SLC12A8: variants seen among roughly 807,000 people sequenced by gnomAD.
SLC12A8 encodes the protein cation-chloride cotransporter 9.
In SLC12A8, 69 loss-of-function variants were observed where a neutral mutation model predicts 75.6. The ratio of observed to expected loss-of-function variants is 0.91; its 90% CI spans 0.75 to 1.11. The LOEUF is 1.11. Ranked by LOEUF, SLC12A8 falls within the 50% of genes most tolerant of loss-of-function variation. SLC12A8 has a pLI of 0.00. For missense variants in SLC12A8, 877 were observed against 896.7 expected, an observed-to-expected ratio of 0.98 and a Z score of 0.28; for synonymous variants, 365 against 372.8, an observed-to-expected ratio of 0.98 and a Z score of 0.24.
At chr3:125,102,622 G>C (rs907502899) in intron 10 of SLC12A8, among the ~76,000 whole-genome samples, 1 of 152,114 alleles carries the variant, frequency 6.6e-6, no homozygotes, top group African/African-American at 2.4e-5. Context: ...GCAGGGAGTG[G>C]GAGAGAGGGA....
chr3:125,116,568 G>C (rs923580486), intron 8 of SLC12A8, among the ~76,000 whole-genome samples: 1 of 152,182 alleles, frequency 6.6e-6, no homozygotes, highest in African/African-American at 2.4e-5. Flanking sequence ...TCTCTGGGCT[G>C]TTTTTACCCT....
chr3:125,167,148 A>G (rs1934307684), intron 5 of SLC12A8, among the ~76,000 whole-genome samples: 1 of 152,002 alleles, frequency 6.6e-6, no homozygotes, highest in Non-Finnish European at 1.5e-5. Context: ...GTACATTTTT[A>G]AAACTTTTTT....
At chr3:125,179,271 T>C (rs1245747887) in intron 4 of SLC12A8, among the ~76,000 whole-genome samples, 1 of 152,208 alleles carries the variant, frequency 6.6e-6, no homozygotes, top group East Asian at 1.9e-4. Context: ...TATTCTATTA[T>C]CATGTCATGA....
intron 2 of SLC12A8, among the ~76,000 whole-genome samples, chr3:125,208,824 A>AGCGC (rs1553797749): frequency 7.8e-6 from 1 of 127,478 alleles, no homozygotes; most frequent in Admixed American, 7.9e-5. Context: ...AGAGAGAGAG[A>AGCGC]GCTACCCTAT....
chr3:125,119,893 T>C (rs1217352412), intron 7 of SLC12A8: 2 of 456,614 alleles, frequency 4.4e-6, no homozygotes, highest in Non-Finnish European at 4.4e-6. Context: ...AGCTTCTTCC[T>C]GTGGTACAGA....
At chr3:125,182,322 G>A (rs558570178) in intron 4 of SLC12A8, among the ~76,000 whole-genome samples, 1 of 151,646 alleles carries the variant, frequency 6.6e-6, no homozygotes, top group Admixed American at 6.6e-5. Context: ...CTGAGACCCT[G>A]TCTCAAAAAA....
intron 10 of SLC12A8, among the ~76,000 whole-genome samples, chr3:125,102,410 A>G (rs980011396): frequency 6.6e-6 from 1 of 152,224 alleles, no homozygotes; most frequent in African/African-American, 2.4e-5. Flanking sequence ...AGAACCTTGC[A>G]TCGTACACCC....
intron 2 of SLC12A8, among the ~76,000 whole-genome samples, chr3:125,203,242 T>C (rs532358406): frequency 6.6e-6 from 1 of 150,528 alleles, no homozygotes; most frequent in East Asian, 1.9e-4. Context: ...CCCTAAAATT[T>C]GTATGAAACA....
At chr3:125,164,496 T>C (rs1336100853) in intron 5 of SLC12A8, among the ~76,000 whole-genome samples, 3 of 152,230 alleles carry the variant, frequency 2.0e-5, no homozygotes, top group Admixed American at 2.0e-4. Context: ...TTTGCTGTAC[T>C]TGTGGCCCTC....
intron 13 of SLC12A8, among the ~76,000 whole-genome samples, chr3:125,087,020 C>A (rs572480007): frequency 6.6e-6 from 1 of 152,120 alleles, no homozygotes; most frequent in African/African-American, 2.4e-5. Context: ...ACGTGAATGT[C>A]CTTAATGCCA....
intron 5 of SLC12A8, among the ~76,000 whole-genome samples, chr3:125,173,502 C>G (rs1406349594): frequency 1.5e-5 from 2 of 136,418 alleles, no homozygotes; most frequent in African/African-American, 5.5e-5. Flanking sequence ...ACTCATCTTA[C>G]ACCCTTCACA....
intron 7 of SLC12A8, chr3:125,120,010 A>G (rs1464875230): frequency 2.4e-6 from 1 of 409,742 alleles, no homozygotes; most frequent in Non-Finnish European, 4.9e-6. Context: ...GGCCTGGGGG[A>G]GCTGGAGGGG....
chr3:125,146,219 G>C (rs606656), intron 5 of SLC12A8, among the ~76,000 whole-genome samples: 16,757 of 152,240 alleles, frequency 0.11, 1,206 homozygotes, highest in South Asian at 0.28. Context: ...CAAAACTGTA[G>C]ATAAGGGGAA....
intron 6 of SLC12A8, among the ~76,000 whole-genome samples, chr3:125,133,380 AT>A (rs11344357): frequency 0.79 from 118,827 of 150,422 alleles, 48,196 homozygotes; most frequent in Middle Eastern, 0.94. Flanking sequence ...CACACACACA[AT>A]TTTTTTTTTG....
At chr3:125,186,664 G>A (rs888649943) in intron 4 of SLC12A8, among the ~76,000 whole-genome samples, 1 of 152,178 alleles carries the variant, frequency 6.6e-6, no homozygotes, top group African/African-American at 2.4e-5. Context: ...CCCCCTACTC[G>A]CTCGTTTTCG....
At chr3:125,147,012 G>C (rs1933793208) in intron 5 of SLC12A8, among the ~76,000 whole-genome samples, 1 of 152,164 alleles carries the variant, frequency 6.6e-6, no homozygotes, top group Non-Finnish European at 1.5e-5. Flanking sequence ...GGAGTTTGCC[G>C]ACGTCTGGAA....
intron 2 of SLC12A8, among the ~76,000 whole-genome samples, chr3:125,205,179 G>T (rs1188623942): frequency 6.6e-6 from 1 of 152,128 alleles, no homozygotes; most frequent in East Asian, 1.9e-4. Flanking sequence ...TTCCTCTCCT[G>T]CAGAAACCCC....
intron 6 of SLC12A8, among the ~76,000 whole-genome samples, chr3:125,124,149 T>C (rs972731572): frequency 6.6e-6 from 1 of 152,134 alleles, no homozygotes; most frequent in Non-Finnish European, 1.5e-5. Flanking sequence ...GCCAGAAACT[T>C]GGCTTTTGAG....
chr3:125,153,291 C>G (rs1933974948), intron 5 of SLC12A8, among the ~76,000 whole-genome samples: 1 of 152,148 alleles, frequency 6.6e-6, no homozygotes, highest in Non-Finnish European at 1.5e-5. Context: ...GTTTTTACAG[C>G]CTGAAAAACA....
Sources: gnomAD v4.1 joint callset for allele counts (sites outside exome capture counted in the v4.1 genomes callset) on GRCh38, gnomAD v4.1.1 for gene constraint, MANE v1.5 for transcripts, NCBI Gene and HGNC (gene_info 2026-07-23, HGNC 2026-07-21) for gene names.